Variants in ERI3 observed in about 807,000 individuals in gnomAD.
The protein encoded by ERI3 is ERI1 exoribonuclease family member 3.
In ERI3, 18 loss-of-function variants were observed where a neutral mutation model predicts 44.4. The observed-to-expected ratio is 0.41, with a 90% CI of 0.28 to 0.60. The LOEUF is 0.60. Among genes scored for constraint, ERI3 ranks in the 20% least tolerant of loss-of-function variants. The probability of loss-of-function intolerance (pLI) is 0.36; values close to 1 mark genes in which losing one functional copy is unlikely to be tolerated. For missense variants in ERI3, 294 were observed against 435.5 expected, an observed-to-expected ratio of 0.68 and a Z score of 2.89; for synonymous variants, 183 against 164.8, an observed-to-expected ratio of 1.11 and a Z score of -0.84.
chr1:44,234,137 T>C (rs1230583928), intron 8 of ERI3, among the ~76,000 whole-genome samples: 1 of 152,176 alleles, frequency 6.6e-6, no homozygotes, highest in African/African-American at 2.4e-5. Context: ...CTTCTCACTC[T>C]CTCTCCGTGG....
intron 8 of ERI3, among the ~76,000 whole-genome samples, chr1:44,239,716 C>G (rs1778904): frequency 0.7 from 106,118 of 152,196 alleles, 37,993 homozygotes; most frequent in African/African-American, 0.87. Context: ...CCTGCCACAG[C>G]GTTTAATAAT....
In ERI3 at chr1:44,339,339, T is replaced by TAA; in HGVS notation, c.212-18_212-17insTT. On this transcript the variant is annotated splice_polypyrimidine_tract_variant and intron_variant, in intron 2 of 8. Transcript: ENST00000372257. ...CATCTAAAACTTAGGGGAGGAAAGT[T>TAA]TAAAAAAAAAAAAAAAAAAGAAAAG... The TAA allele has an allele frequency of 7.7e-7, 1 of 1,301,280 alleles. No homozygotes were observed. Among genetic ancestry groups the TAA allele is most frequent in the Non-Finnish European group, 9.8e-7 (1 of 1,020,820 alleles). The allele number at this position is 1,301,280 out of a possible 1,614,324, so 80.6% of individuals were successfully genotyped here.
At chr1:44,293,992 C>A (rs1463701088) in intron 6 of ERI3, among the ~76,000 whole-genome samples, 1 of 152,258 alleles carries the variant, frequency 6.6e-6, no homozygotes, top group Admixed American at 6.5e-5. Flanking sequence ...GTCTCCACAG[C>A]TCACAGGACA....
At chr1:44,314,758 A>G (rs577889770) in intron 4 of ERI3, among the ~76,000 whole-genome samples, 25 of 152,358 alleles carry the variant, frequency 1.6e-4, no homozygotes, top group African/African-American at 6.0e-4. Context: ...CTATTCATAG[A>G]AAGCCTACTA....
At chr1:44,231,972 G>A (rs1644195328) in intron 8 of ERI3, among the ~76,000 whole-genome samples, 1 of 152,186 alleles carries the variant, frequency 6.6e-6, no homozygotes, top group South Asian at 2.1e-4. Context: ...CCAACCTTGA[G>A]GGGAGTTAGC....
intron 7 of ERI3, among the ~76,000 whole-genome samples, chr1:44,262,746 C>T (rs1052455205): frequency 6.6e-6 from 1 of 152,202 alleles, no homozygotes; most frequent in Non-Finnish European, 1.5e-5. Flanking sequence ...AAGACCTAAG[C>T]GGACCTTCAG....
intron 6 of ERI3, among the ~76,000 whole-genome samples, chr1:44,304,428 G>A (rs1645791974): frequency 6.6e-6 from 1 of 152,172 alleles, no homozygotes; most frequent in South Asian, 2.1e-4. Context: ...GACTGAGGAG[G>A]AGAAGCCAGA....
chr1:44,264,087 G>A lies in ERI3; in HGVS notation c.832-16049C>T, dbSNP rs868062072. 2.0e-5 allele frequency among the ~76,000 whole-genome samples: 3 copies of A among 152,224 alleles called. No homozygotes were observed. In the South Asian group the frequency reaches 6.2e-4, roughly 32 times the overall value. ...ACAGCCAGTAGCACAGAGCAGGAAAGGAGAAGTTGGGTCCTAATGTGTAAA... is the reference window on the plus strand; with the variant it reads ...ACAGCCAGTAGCACAGAGCAGGAAAAGAGAAGTTGGGTCCTAATGTGTAAA... On this transcript the variant is annotated intron_variant, in intron 7 of 8. Coordinates refer to ENST00000372257, the MANE Select transcript of ERI3 (RefSeq NM_024066.3).
At chr1:44,243,145 C>A (rs1201141713) in intron 8 of ERI3, among the ~76,000 whole-genome samples, 1 of 152,262 alleles carries the variant, frequency 6.6e-6, no homozygotes, top group African/African-American at 2.4e-5. Flanking sequence ...GGCCCCCACC[C>A]TGCCACCTGC....
chr1:44,336,165 A>G (rs1298819354), intron 3 of ERI3, among the ~76,000 whole-genome samples: 1 of 152,088 alleles, frequency 6.6e-6, no homozygotes, highest in Non-Finnish European at 1.5e-5. Context: ...TCCCTTGTTG[A>G]CCAGAAGACC....
chr1:44,244,776 T>C (rs1644518781), intron 8 of ERI3, among the ~76,000 whole-genome samples: 1 of 151,974 alleles, frequency 6.6e-6, no homozygotes, highest in South Asian at 2.1e-4. Context: ...ACAACCATCC[T>C]AGTAGCCCCC....
chr1:44,343,513 A>G (rs112323815), intron 2 of ERI3, among the ~76,000 whole-genome samples: 106 of 152,326 alleles, frequency 7.0e-4, no homozygotes, highest in African/African-American at 2.5e-3. Flanking sequence ...ATGTCACACA[A>G]ACCCTAATTG....
At chr1:44,270,774 G>C (rs920399238) in intron 7 of ERI3, among the ~76,000 whole-genome samples, 5 of 152,202 alleles carry the variant, frequency 3.3e-5, no homozygotes, top group Non-Finnish European at 5.9e-5. Context: ...AGGGAACCTT[G>C]AGAGAAAGAC....
intron 3 of ERI3, among the ~76,000 whole-genome samples, chr1:44,321,125 A>G (rs1646193779): frequency 1.3e-5 from 2 of 152,206 alleles, no homozygotes; most frequent in Non-Finnish European, 1.5e-5. Flanking sequence ...TGTCCCAGGA[A>G]AGCCAGGTAT....
rs779460110 is a variant in ERI3, at chr1:44,284,790, C to T, written c.831+45G>A. The T allele has an allele frequency of 2.0e-6, 3 of 1,471,870 alleles. No homozygotes were observed. The East Asian group carries it at 6.8e-5, about 33-fold the overall frequency. 91.2% of individuals were successfully genotyped at this position (1,471,870 alleles called of 1,614,324 possible). ...AGCAAAGGACGGGAGCTCTGAGGCA[C>T]AAGAGCACCAGGGGAAGCACCCAGT... On this transcript the variant is annotated intron_variant, in intron 7 of 8. Coordinates refer to ENST00000372257, the MANE Select transcript of ERI3 (RefSeq NM_024066.3).
intron 7 of ERI3, among the ~76,000 whole-genome samples, chr1:44,251,301 A>T (rs1353374615): frequency 6.6e-6 from 1 of 152,264 alleles, no homozygotes; most frequent in African/African-American, 2.4e-5. Context: ...ATATGCTGGC[A>T]TGCCACAAAT....
chr1:44,263,731 T>C (rs1644936874), intron 7 of ERI3, among the ~76,000 whole-genome samples: 1 of 152,188 alleles, frequency 6.6e-6, no homozygotes, highest in Non-Finnish European at 1.5e-5. Context: ...CTCCCTATTC[T>C]ATGCTGCTAT....
intron 6 of ERI3, among the ~76,000 whole-genome samples, chr1:44,299,355 A>T (rs1362757708): frequency 6.8e-6 from 1 of 146,134 alleles, no homozygotes; most frequent in Non-Finnish European, 1.5e-5. Context: ...GTTATTTTTT[A>T]TTTTTATTTT....
chr1:44,271,984 C>T (rs2154321572), intron 7 of ERI3, among the ~76,000 whole-genome samples: 1 of 152,308 alleles, frequency 6.6e-6, no homozygotes, highest in Admixed American at 6.5e-5. Flanking sequence ...TTTTTCCTAG[C>T]TCCTGCCCAC....
Sources: gnomAD v4.1 joint callset for allele counts (sites outside exome capture counted in the v4.1 genomes callset) on GRCh38, gnomAD v4.1.1 for gene constraint, MANE v1.5 for transcripts, NCBI Gene and HGNC (gene_info 2026-07-23, HGNC 2026-07-21) for gene names.